The following GOLGA2 variants were observed in gnomAD, a reference collection of about 807,000 sequenced individuals.
GOLGA2 encodes golgin subfamily A member 2.
GOLGA2 carries 49 observed loss-of-function variants against 148.8 expected under a neutral mutation model. The ratio of observed to expected loss-of-function variants is 0.33; its 90% CI spans 0.26 to 0.42. GOLGA2 has a LOEUF of 0.42. GOLGA2 is among the 10% of genes least tolerant of loss of function. GOLGA2 has a pLI of 1.00. For synonymous variants in GOLGA2, 501 were observed against 511.8 expected (o/e 0.98, Z 0.28); for missense variants, 1,178 against 1,304.6 (o/e 0.90, Z 1.49).
chr9:128,265,336 G>GT (rs2131362265), intron 12 of GOLGA2, among the ~76,000 whole-genome samples: 1 of 152,322 alleles, frequency 6.6e-6, no homozygotes, highest in East Asian at 1.9e-4. Flanking sequence ...CCACAGCCAG[G>GT]TAACGGCACA....
Position 128,260,579 on chromosome 9 carries a change from G to C in GOLGA2, c.1644C>G (p.Arg548=). 6.2e-7 allele frequency: 1 copy of C among 1,611,906 alleles called. No homozygotes were observed. Among genetic ancestry groups the C allele is most frequent in the Non-Finnish European group, 8.5e-7 (1 of 1,179,998 alleles). The change falls in exon 18 of 27, where the codon CGC becomes CGG. Residue 548 remains arginine (R), a synonymous_variant. Transcript: ENST00000611957. The surrounding 1 kb of genome is among the most constrained non-coding windows in gnomAD (Gnocchi z 4.8). ...TCTGCATGGTCTCCAGGATTTGCCTGCGCGCCTCCGCCTGCTCCCCCCAGA... is the reference window on the plus strand; with the variant it reads ...TCTGCATGGTCTCCAGGATTTGCCTCCGCGCCTCCGCCTGCTCCCCCCAGA... ...AELWGEQAEA[R]RQILETMQND...
At position 128,271,419 on chromosome 9, in the gene GOLGA2, C is replaced by A. The variant is rs1456551104; in HGVS notation, c.288+1366G>T. 2.0e-5 allele frequency among the ~76,000 whole-genome samples: 3 copies of A among 152,224 alleles called. No individual in the cohort carries two copies. Among genetic ancestry groups the A allele is most frequent in the African/African-American group, 7.2e-5 (3 of 41,460 alleles). On this transcript the variant is annotated intron_variant, in intron 3 of 26. Coordinates refer to ENST00000611957, the MANE Select transcript of GOLGA2 (RefSeq NM_001366244.2). The surrounding 1 kb of genome is among the most constrained non-coding windows in gnomAD (Gnocchi z 4.4). ...AGGATCAGGCTCTATTCGTGCCCTG[C>A]TCCTCTGGCTTGGCAGGAAGGAGTC...
Position 128,261,078 on chromosome 9 carries a change from C to T in GOLGA2, c.1420+94G>A. 1 of 879,160 alleles carries T rather than the reference C, an allele frequency of 1.1e-6. No individual in the cohort carries two copies. The highest frequency in any genetic ancestry group is 1.9e-6 in the Non-Finnish European group (1 of 515,976). 54.5% of individuals were successfully genotyped at this position (879,160 alleles called of 1,614,324 possible). ...GACCTCTTTCCCTCTGCCTCAAAGC[C>T]ATTCCATCCACCCAACTCCCTGGGG... is the stretch of plus-strand genomic sequence containing the variant. On this transcript the variant is annotated intron_variant, in intron 17 of 26. Transcript: ENST00000611957. This position sits in a 1 kb window ranked among gnomAD's most constrained non-coding sequence, Gnocchi z 5.7.
chr9:128,263,165 C>T, intron 12 of GOLGA2, 73 bp from the exon 13 acceptor site: 2 of 843,360 alleles, frequency 2.4e-6, no homozygotes, highest in South Asian at 2.6e-5. Context: ...ACAACAGCTA[C>T]AGTAAGTACT....
chr9:128,261,806 C>A lies in GOLGA2; in HGVS notation c.1135-49G>T. Reference sequence around the variant, plus strand: ...TTAGATCTGGGGAGCCCAGGCCGTTCCAAATAGTGCCCCTTAAAAGGGCTA... The same window carrying A: ...TTAGATCTGGGGAGCCCAGGCCGTTACAAATAGTGCCCCTTAAAAGGGCTA... On this transcript the variant is annotated intron_variant, in intron 14 of 26. Transcript: ENST00000611957. The surrounding 1 kb of genome is among the most constrained non-coding windows in gnomAD (Gnocchi z 5.7). 8.4e-7 allele frequency: 1 copy of A among 1,189,818 alleles called. No homozygotes were observed. Among genetic ancestry groups the A allele is most frequent in the Non-Finnish European group, 1.3e-6 (1 of 793,098 alleles). 73.7% of individuals were successfully genotyped at this position (1,189,818 alleles called of 1,614,324 possible).
Position 128,261,832 on chromosome 9 carries a change from G to C in GOLGA2, c.1135-75C>G. On this transcript the variant is annotated intron_variant, in intron 14 of 26. Transcript: ENST00000611957. The surrounding 1 kb of genome is among the most constrained non-coding windows in gnomAD (Gnocchi z 5.7). The stretch of plus-strand genomic sequence containing the variant: ...CAAATAGTGCCCCTTAAAAGGGCTA[G>C]GGCTAGGCTCAATGTGCAACTCAGT... 1 of 881,592 alleles carries C rather than the reference G, an allele frequency of 1.1e-6. No individual in the cohort carries two copies. 54.6% of individuals were successfully genotyped at this position (881,592 alleles called of 1,614,324 possible).
chr9:128,265,207 A>T (rs1830518569), intron 12 of GOLGA2, among the ~76,000 whole-genome samples: 1 of 152,248 alleles, frequency 6.6e-6, no homozygotes, highest in South Asian at 2.1e-4. Flanking sequence ...GTCATAGTAC[A>T]TAGGTACACA....
chr9:128,259,330 T>G lies in GOLGA2; in HGVS notation c.1934A>C (p.His645Pro), dbSNP rs748878589. ...LQQQRDQYLG[H>P]LQQYVAAYQQ... The stretch of plus-strand genomic sequence containing the variant: ...ATAGGCGGCCACATACTGCTGCAGG[T>G]GTCCCAGGTACTGGTCTCGCTGCTG... Residue 645 changes from histidine to proline, a missense_variant, in exon 20 of 27, where the codon CAC becomes CCC. Coordinates refer to ENST00000611957, the MANE Select transcript of GOLGA2 (RefSeq NM_001366244.2). The G allele has an allele frequency of 6.2e-7, 1 of 1,609,780 alleles. No individual in the cohort carries two copies. The highest frequency in any genetic ancestry group is 8.5e-7 in the Non-Finnish European group (1 of 1,178,710).
chr9:128,273,962 T>TA lies in GOLGA2; in HGVS notation c.94dup (p.Tyr32LeufsTer6). Reference sequence around the variant, plus strand: ...AACACCAGGGCTATTCCTCTGCTGATATTCTCTCAACTGTGGAAAAGAAGA... The same window carrying TA: ...AACACCAGGGCTATTCCTCTGCTGATAATTCTCTCAACTGTGGAAAAGAAGA... On this transcript the variant is annotated frameshift_variant, in exon 2 of 27. Coordinates refer to ENST00000611957, the MANE Select transcript of GOLGA2 (RefSeq NM_001366244.2). LOFTEE classifies it high-confidence loss of function. 1 of 1,613,172 alleles carries TA rather than the reference T, an allele frequency of 6.2e-7. No homozygotes were observed.
At chr9:128,270,024 G>A (rs562459810) in intron 3 of GOLGA2, among the ~76,000 whole-genome samples, 2 of 152,226 alleles carry the variant, frequency 1.3e-5, no homozygotes, top group South Asian at 4.1e-4. Flanking sequence ...TTGAGGGAAG[G>A]CTGGCACTCC....
rs745435233 is a variant in GOLGA2, at chr9:128,261,198, C to G, written c.1394G>C (p.Ser465Thr). The G allele has an allele frequency of 5.6e-6, 9 of 1,613,670 alleles. No homozygotes were observed. The highest frequency in any genetic ancestry group is 7.6e-6 in the Non-Finnish European group (9 of 1,179,546). Reference protein sequence around the residue: ...SMSRVQELETSLAELRNQMAE... With the variant: ...SMSRVQELETTLAELRNQMAE... ...CATCTGGTTCCTCAGTTCAGCCAAG[C>G]TCGTCTCCAGCTCCTGTACCCGACT... Residue 465 changes from serine (S) to threonine (T), a missense_variant, in exon 17 of 27, where the codon AGC (serine) becomes ACC (threonine). Physicochemically the swap from Ser to Thr is moderately conservative, Grantham distance 58. Transcript: ENST00000611957. The surrounding 1 kb of genome is among the most constrained non-coding windows in gnomAD (Gnocchi z 5.7).
intron 3 of GOLGA2, among the ~76,000 whole-genome samples, chr9:128,272,083 C>A (rs1476948859): frequency 1.4e-5 from 2 of 147,144 alleles, no homozygotes; most frequent in African/African-American, 2.5e-5. Flanking sequence ...GTTTACTGAT[C>A]TTTGCCTTTA....
Position 128,262,563 on chromosome 9 carries a change from C to T in GOLGA2, c.1134G>A (p.Gln378=). The T allele has an allele frequency of 1.2e-6, 2 of 1,613,824 alleles. No homozygotes were observed. Among genetic ancestry groups the T allele is most frequent in the Non-Finnish European group, 1.7e-6 (2 of 1,179,800 alleles). The change falls in exon 14 of 27, where the codon CAG becomes CAA. Residue 378 remains glutamine (Q), a splice_region_variant and synonymous_variant. Coordinates refer to ENST00000611957, the MANE Select transcript of GOLGA2 (RefSeq NM_001366244.2). ...KLEMTELLLQ[Q]FSSRCEAPDA... ...CACCCATGGGGCTGCAGCCTCTTGC[C>T]TGTTGAAGCAGGAGTTCCGTCATCT...
At chr9:128,265,348 C>G (rs996299759) in intron 12 of GOLGA2, among the ~76,000 whole-genome samples, 5 of 152,212 alleles carry the variant, frequency 3.3e-5, no homozygotes, top group African/African-American at 1.2e-4. Context: ...AACGGCACAG[C>G]GGGCACTTGG....
chr9:128,261,116 C>A lies in GOLGA2; in HGVS notation c.1420+56G>T. The stretch of plus-strand genomic sequence containing the variant: ...CAACTCCCTGGGGCATTCTAAACCA[C>A]CCCCACAACCCTCTGACACCATTCC... On this transcript the variant is annotated intron_variant, in intron 17 of 26. Coordinates refer to ENST00000611957, the MANE Select transcript of GOLGA2 (RefSeq NM_001366244.2). This position sits in a 1 kb window ranked among gnomAD's most constrained non-coding sequence, Gnocchi z 5.7. The A allele has an allele frequency of 8.3e-7, 1 of 1,211,384 alleles. No homozygotes were observed. The highest frequency in any genetic ancestry group is 1.2e-6 in the Non-Finnish European group (1 of 813,300). 75.0% of individuals were successfully genotyped at this position (1,211,384 alleles called of 1,614,324 possible). A position where few individuals can be genotyped will look rare whatever the true frequency, so the allele number is the denominator to read the frequency against.
Position 128,274,117 on chromosome 9 carries a change from G to C in GOLGA2, c.85-145C>G, listed in dbSNP as rs1831146949. The C allele has an allele frequency of 3.9e-6, 3 of 765,074 alleles. No homozygotes were observed. The East Asian group carries it at 7.7e-5, about 20-fold the overall frequency. The allele number at this position is 765,074 out of a possible 1,614,324, so 47.4% of individuals were successfully genotyped here. ...CACAAGTTCTTGTCACAATCACTTAGTGACTGAGAGGGATTGATACCATGG... is the reference window on the plus strand; with the variant it reads ...CACAAGTTCTTGTCACAATCACTTACTGACTGAGAGGGATTGATACCATGG... On this transcript the variant is annotated intron_variant, in intron 1 of 26. Coordinates refer to ENST00000611957, the MANE Select transcript of GOLGA2 (RefSeq NM_001366244.2).
In GOLGA2 at chr9:128,261,840, C is replaced by A. The variant is rs1357235749; in HGVS notation, c.1135-83G>T. On this transcript the variant is annotated intron_variant, in intron 14 of 26. Transcript: ENST00000611957. The surrounding 1 kb of genome is among the most constrained non-coding windows in gnomAD (Gnocchi z 5.7). ...GCCCCTTAAAAGGGCTAGGGCTAGG[C>A]TCAATGTGCAACTCAGTCAATACAA... is the stretch of plus-strand genomic sequence containing the variant. The A allele has an allele frequency of 1.2e-6, 1 of 809,906 alleles. No homozygotes were observed. The highest frequency in any genetic ancestry group is 2.2e-6 in the Non-Finnish European group (1 of 460,212). 50.2% of individuals were successfully genotyped at this position (809,906 alleles called of 1,614,324 possible).
chr9:128,260,887 A>C lies in GOLGA2; in HGVS notation c.1421-85T>G. On this transcript the variant is annotated intron_variant, in intron 17 of 26. Transcript: ENST00000611957. The surrounding 1 kb of genome is among the most constrained non-coding windows in gnomAD (Gnocchi z 4.8). Reference sequence around the variant, plus strand: ...CCATACCTCCTCTCAAGCTCCCCAAACTTGGCCTCCCTGCTGATGATTCCT... The same window carrying C: ...CCATACCTCCTCTCAAGCTCCCCAACCTTGGCCTCCCTGCTGATGATTCCT... The C allele has an allele frequency of 1.0e-6, 1 of 970,398 alleles. No homozygotes were observed. The highest frequency in any genetic ancestry group is 1.5e-6 in the Non-Finnish European group (1 of 659,506). The allele number at this position is 970,398 out of a possible 1,614,324, so 60.1% of individuals were successfully genotyped here. A position where few individuals can be genotyped will look rare whatever the true frequency, so the allele number is the denominator to read the frequency against.
Position 128,267,924 on chromosome 9 carries a change from C to G in GOLGA2, c.501+10G>C. 1 of 1,589,608 alleles carries G rather than the reference C, an allele frequency of 6.3e-7. No homozygotes were observed. The highest frequency in any genetic ancestry group is 1.7e-5 in the Admixed American group (1 of 59,958). On this transcript the variant is annotated intron_variant, in intron 6 of 26. Coordinates refer to ENST00000611957, the MANE Select transcript of GOLGA2 (RefSeq NM_001366244.2). ...CCCCACCCCGCTCTCGGCCTCAGTTCCTGAGGTACCTCACAAACAAGACCA... is the reference window on the plus strand; with the variant it reads ...CCCCACCCCGCTCTCGGCCTCAGTTGCTGAGGTACCTCACAAACAAGACCA...
Sources: allele counts gnomAD v4.1 joint callset (sites outside exome capture counted in the v4.1 genomes callset), GRCh38; gene constraint gnomAD v4.1.1; non-coding constraint Gnocchi (gnomAD v3.1); transcripts MANE v1.5; gene names NCBI Gene and HGNC (gene_info 2026-07-23, HGNC 2026-07-21).